The following TEX9 variants were observed in gnomAD, a reference collection of about 807,000 sequenced individuals.
TEX9 encodes the protein testis-expressed protein 9.
A neutral mutation model predicts 59.6 loss-of-function variants in TEX9; 74 were observed. The ratio of observed to expected loss-of-function variants is 1.24; its 90% confidence interval spans 1.03 to 1.51. The LOEUF (loss-of-function observed/expected upper bound fraction) is 1.51. TEX9 is among the 40% of genes most tolerant of loss of function. TEX9 has a pLI of 0.00. For missense variants in TEX9, 522 were observed against 447.8 expected, an observed-to-expected ratio of 1.17 and a Z score of -1.49; for synonymous variants, 186 against 152.2, an observed-to-expected ratio of 1.22 and a Z score of -1.64.
the TEX9 span, among the ~76,000 whole-genome samples, chr15:56,455,255 A>C: frequency 6.6e-6 from 1 of 151,142 alleles, no homozygotes; most frequent in Non-Finnish European, 1.5e-5. Flanking sequence ...GTGAAAAAAA[A>C]AAAAAAAAAA....
chr15:56,343,352 C>G (rs572423992), intron 1 of TEX9, among the ~76,000 whole-genome samples: 11 of 151,866 alleles, frequency 7.2e-5, no homozygotes, highest in Admixed American at 2.0e-4. Flanking sequence ...AATAGCAAAT[C>G]AAACCTAAAG....
At chr15:56,455,355 T>C in the TEX9 span, among the ~76,000 whole-genome samples, 12 of 151,670 alleles carry the variant, frequency 7.9e-5, no homozygotes, top group East Asian at 2.1e-3. Flanking sequence ...ATTTTAACAG[T>C]AATTCTAAAT....
At chr15:56,406,424 G>A (rs1170345612) in intron 9 of TEX9, among the ~76,000 whole-genome samples, 1 of 152,168 alleles carries the variant, frequency 6.6e-6, no homozygotes, top group Non-Finnish European at 1.5e-5. Flanking sequence ...CCATGTACAA[G>A]TATTCTGTGT....
At chr15:56,342,509 T>C (rs1461992607) in intron 1 of TEX9, among the ~76,000 whole-genome samples, 2 of 152,094 alleles carry the variant, frequency 1.3e-5, no homozygotes, top group Non-Finnish European at 2.9e-5. Flanking sequence ...GTTCAGGGCA[T>C]TTAATATTTA....
chr15:56,345,555 G>T (rs562972988), intron 1 of TEX9, among the ~76,000 whole-genome samples: 2 of 152,220 alleles, frequency 1.3e-5, no homozygotes, highest in African/African-American at 2.4e-5. Flanking sequence ...TCCCAAGTAG[G>T]CTGGGACTAC....
intron 1 of TEX9, among the ~76,000 whole-genome samples, chr15:56,245,656 T>G (rs1373408737): frequency 6.6e-6 from 1 of 152,188 alleles, no homozygotes; most frequent in Middle Eastern, 3.2e-3. Context: ...CCATACATTA[T>G]CATAGTTATT....
intron 1 of TEX9, among the ~76,000 whole-genome samples, chr15:56,258,398 T>C (rs760180911): frequency 3.3e-5 from 5 of 152,178 alleles, no homozygotes; most frequent in Non-Finnish European, 5.9e-5. Context: ...ATTTTCACAA[T>C]ATTGATTCTT....
At chr15:56,244,391 G>C (rs2043786967) in intron 1 of TEX9, 1 of 152,164 alleles carries the variant, frequency 6.6e-6, no homozygotes, top group Admixed American at 6.5e-5. Flanking sequence ...GAGCTGGGTT[G>C]AGTGCTCCTC....
chr15:56,339,556 T>A (rs1411826320), intron 1 of TEX9, among the ~76,000 whole-genome samples: 1 of 152,068 alleles, frequency 6.6e-6, no homozygotes, highest in African/African-American at 2.4e-5. Context: ...ATATCATTTA[T>A]CAGGGGCTGT....
chr15:56,261,280 G>C (rs1271750481), intron 1 of TEX9, among the ~76,000 whole-genome samples: 1 of 151,330 alleles, frequency 6.6e-6, no homozygotes, highest in African/African-American at 2.4e-5. Context: ...CTAACTTCTT[G>C]AGATGGTAAC....
rs1371619622 is a variant in TEX9 at position 56,368,667 on chromosome 15, A to G, written c.119+2997A>G. On this transcript the variant is annotated intron_variant, in intron 2 of 12. Coordinates refer to ENST00000352903, the Ensembl canonical transcript of TEX9. ...TTTTTTGTTCTAGAAAAGTGTTCAT[A>G]TCATGTATGTTTTAAAATACATTAG... 2.6e-5 allele frequency among the ~76,000 whole-genome samples: 4 copies of G among 152,268 alleles called. No individual in the cohort carries two copies. The South Asian group carries it at 8.3e-4, about 32-fold the overall frequency.
exon 10 of TEX9, chr15:56,412,325 G>A: frequency 1.2e-6 from 2 of 1,611,674 alleles, no homozygotes; most frequent in Non-Finnish European, 1.7e-6. Flanking sequence ...AAAGAAGACT[G>A]CAAAAACAGG....
intron 12 of TEX9, chr15:56,444,684 A>T (rs375664797): frequency 1.2e-5 from 19 of 1,599,728 alleles, no homozygotes; most frequent in Non-Finnish European, 1.5e-5. Flanking sequence ...CTGTTATTAA[A>T]ACAAAATTGA....
At chr15:56,245,353 C>T (rs1382134640) in intron 1 of TEX9, among the ~76,000 whole-genome samples, 2 of 152,066 alleles carry the variant, frequency 1.3e-5, no homozygotes, top group African/African-American at 4.8e-5. Flanking sequence ...AATAAGCCGC[C>T]CCCCCGCCCC....
intron 9 of TEX9, among the ~76,000 whole-genome samples, chr15:56,401,984 G>T (rs888532950): frequency 6.6e-6 from 1 of 152,220 alleles, no homozygotes; most frequent in Admixed American, 6.5e-5. Context: ...TTAAAGCAGT[G>T]TGTAGAGGGA....
At chr15:56,251,134 T>C (rs2044004986) in intron 1 of TEX9, among the ~76,000 whole-genome samples, 2 of 152,268 alleles carry the variant, frequency 1.3e-5, no homozygotes, top group Admixed American at 6.5e-5. Context: ...TGTACATAAA[T>C]GTTTATTCCC....
At chr15:56,418,511 CGTG>C (rs2049812143) in intron 10 of TEX9, among the ~76,000 whole-genome samples, 1 of 148,942 alleles carries the variant, frequency 6.7e-6, no homozygotes, top group South Asian at 2.1e-4. Flanking sequence ...ATTAGCTGGG[CGTG>C]GTGGTGGGCG....
At chr15:56,444,524 CTTT>C (rs549395315) in intron 12 of TEX9, 3 of 1,511,610 alleles carry the variant, frequency 2.0e-6, no homozygotes, top group Non-Finnish European at 2.7e-6. Flanking sequence ...AAGCTTCCTG[CTTT>C]TTTTTTTCTT....
At chr15:56,387,921 A>C (rs1298590046) in intron 4 of TEX9, among the ~76,000 whole-genome samples, 1 of 151,996 alleles carries the variant, frequency 6.6e-6, no homozygotes, top group African/African-American at 2.4e-5. Flanking sequence ...GTGTATAAAA[A>C]TGAATTGCAT....
Sources: gnomAD v4.1 joint callset for allele counts (sites outside exome capture counted in the v4.1 genomes callset) on GRCh38, gnomAD v4.1.1 for gene constraint, MANE v1.5 for transcripts, NCBI Gene and HGNC (gene_info 2026-07-23, HGNC 2026-07-21) for gene names.